Variants in MINK1 observed in about 807,000 individuals in gnomAD.
MINK1 encodes misshapen like kinase 1, also known as misshapen-like kinase 1.
Under a neutral mutation model 178.4 loss-of-function variants are expected in MINK1, and 46 were observed. The ratio of observed to expected loss-of-function variants is 0.26; its 90% CI spans 0.20 to 0.33. The LOEUF (loss-of-function observed/expected upper bound fraction) is 0.33, where lower values mean the gene tolerates loss of function less well. Ranked by LOEUF, MINK1 falls within the 10% of genes least tolerant of loss-of-function variation. MINK1 has a pLI of 1.00. For missense variants in MINK1, 1,366 were observed against 1,814.9 expected (o/e 0.75, Z 4.49); for synonymous variants, 797 against 709.7 (o/e 1.12, Z -1.96).
chr17:4,842,443 CT>C (rs1341341727), intron 1 of MINK1, among the ~76,000 whole-genome samples: 1 of 152,116 alleles, frequency 6.6e-6, no homozygotes, highest in Non-Finnish European at 1.5e-5. Context: ...CCTAAGTCCC[CT>C]GTGTACTTCT....
At position 4,886,501 on chromosome 17, in the gene MINK1, T is replaced by C; in HGVS notation, c.824T>C (p.Leu275Pro). The C allele has an allele frequency of 6.2e-7, 1 of 1,613,386 alleles. No homozygotes were observed. The highest frequency in any genetic ancestry group is 1.3e-5 in the African/African-American group (1 of 75,032). Residue 275 changes from leucine to proline, a missense_variant, in exon 10 of 32, where the codon CTG becomes CCG. Physicochemically the swap from Leu to Pro is moderately conservative, Grantham distance 98. This residue lies in a region of MINK1 where 109 missense variants were observed against 369.4 expected (regional missense o/e 0.30). Transcript: ENST00000355280. The surrounding 1 kb of genome is among the most constrained non-coding windows in gnomAD (Gnocchi z 6.1). ...FIDTCLIKTY[L>P]SRPPTEQLLK... Reference sequence around the variant, plus strand: ...GACACATGTCTCATCAAGACTTACCTGAGCCGCCCACCCACGGAGCAGCTA... The same window carrying C: ...GACACATGTCTCATCAAGACTTACCCGAGCCGCCCACCCACGGAGCAGCTA...
rs1364422181 is a variant in MINK1, at chr17:4,839,302, G to C, written c.57+5662G>C. 2.0e-5 allele frequency among the ~76,000 whole-genome samples: 3 copies of C among 152,198 alleles called. No individual in the cohort carries two copies. In the East Asian group the frequency reaches 5.8e-4, roughly 29 times the overall value. On this transcript the variant is annotated intron_variant, in intron 1 of 31. Coordinates refer to ENST00000355280, the MANE Select transcript of MINK1 (RefSeq NM_153827.5). Reference sequence around the variant, plus strand: ...AATATCCTGCAACCTTCAAGGTTGGGACATTTTTGTTAAACCTGATTTCCA... The same window carrying C: ...AATATCCTGCAACCTTCAAGGTTGGCACATTTTTGTTAAACCTGATTTCCA...
At chr17:4,871,214 TCTCA>T (rs1915824202) in intron 1 of MINK1, 1 of 177,916 alleles carries the variant, frequency 5.6e-6, no homozygotes, top group Non-Finnish European at 1.2e-5. Context: ...AGAGGCAGGG[TCTCA>T]CTCACTCTGT....
intron 1 of MINK1, among the ~76,000 whole-genome samples, chr17:4,841,148 G>C (rs1366340538): frequency 6.6e-6 from 1 of 152,146 alleles, no homozygotes; most frequent in Non-Finnish European, 1.5e-5. Context: ...CCAGCACTTA[G>C]AGCCTGTGAC....
chr17:4,879,214 G>A (rs1334933250), intron 2 of MINK1, among the ~76,000 whole-genome samples: 1 of 151,604 alleles, frequency 6.6e-6, no homozygotes, highest in Non-Finnish European at 1.5e-5. Flanking sequence ...AGCCGCTGCA[G>A]CAGGGAGTGA....
intron 1 of MINK1, chr17:4,854,710 C>T (rs918625112): frequency 4.2e-6 from 2 of 473,518 alleles, no homozygotes; most frequent in African/African-American, 2.0e-5. Flanking sequence ...CTGATTTCCT[C>T]CCCTCCAGTG....
intron 1 of MINK1, among the ~76,000 whole-genome samples, chr17:4,871,716 T>C (rs1211613022): frequency 2.6e-5 from 4 of 152,222 alleles, no homozygotes; most frequent in Admixed American, 2.6e-4. Context: ...AGTGATATGA[T>C]AACTCATTGT....
intron 2 of MINK1, 84 bp downstream of exon 2, chr17:4,878,466 C>A: frequency 7.8e-7 from 1 of 1,283,332 alleles, no homozygotes; most frequent in East Asian, 2.6e-5. Flanking sequence ...TCCTGGTCTG[C>A]AGGTCTGAAG....
At chr17:4,834,283 A>C (rs1009471015) in intron 1 of MINK1, among the ~76,000 whole-genome samples, 1 of 152,110 alleles carries the variant, frequency 6.6e-6, no homozygotes, top group Non-Finnish European at 1.5e-5. Context: ...TGAATATTAC[A>C]TGACCAACTC....
chr17:4,897,088 C>A, intron 31 of MINK1, 116 bp from the exon 32 acceptor site: 1 of 944,334 alleles, frequency 1.1e-6, no homozygotes, highest in Non-Finnish European at 1.6e-6. Context: ...TCTCCTCCTG[C>A]AGTCTCTGTG....
In MINK1 at chr17:4,847,051, G is replaced by A. The variant is rs906088192; in HGVS notation, c.57+13411G>A. On this transcript the variant is annotated intron_variant, in intron 1 of 31. Transcript: ENST00000355280. ...ACAATGAACATACCTGCTACTGCCC[G>A]GATCTCCTGTCCTGGCCTCATAACC... is the stretch of plus-strand genomic sequence containing the variant. 3.2e-5 allele frequency: 13 copies of A among 400,880 alleles called. No homozygotes were observed. The East Asian group carries it at 6.0e-4, about 18-fold the overall frequency. 24.8% of individuals were successfully genotyped at this position (400,880 alleles called of 1,614,324 possible). A position where few individuals can be genotyped will look rare whatever the true frequency, so the allele number is the denominator to read the frequency against.
At position 4,864,715 on chromosome 17, in the gene MINK1, G is replaced by A. The variant is rs960913193; in HGVS notation, c.58-13602G>A. The stretch of plus-strand genomic sequence containing the variant: ...ACTCCAGCCTAGGCGACAAGAGTGA[G>A]ACTCCATCTCAAAAAAAAGAGCTAT... On this transcript the variant is annotated intron_variant, in intron 1 of 31. Coordinates refer to ENST00000355280, the MANE Select transcript of MINK1 (RefSeq NM_153827.5). 3.3e-5 allele frequency among the ~76,000 whole-genome samples: 5 copies of A among 152,210 alleles called. No individual in the cohort carries two copies. The South Asian group carries it at 6.2e-4, about 19-fold the overall frequency.
Position 4,833,717 on chromosome 17 carries a change from C to T in MINK1, c.57+77C>T, listed in dbSNP as rs1202288364. ...GAGGGAGCGGGGTGGCTGCACGCCT[C>T]ACGTGCTCCCGGGCGCCCCCTCCAC... On this transcript the variant is annotated intron_variant, in intron 1 of 31. Coordinates refer to ENST00000355280, the MANE Select transcript of MINK1 (RefSeq NM_153827.5). The surrounding 1 kb of genome is among the most constrained non-coding windows in gnomAD (Gnocchi z 4.8). 2 of 1,241,294 alleles carry T rather than the reference C, an allele frequency of 1.6e-6. No homozygotes were observed. Among genetic ancestry groups the T allele is most frequent in the Non-Finnish European group, 2.1e-6 (2 of 939,198 alleles). The allele number at this position is 1,241,294 out of a possible 1,614,324, so 76.9% of individuals were successfully genotyped here.
intron 1 of MINK1, 63 bp from the exon 2 acceptor site, chr17:4,878,254 C>A (rs968350629): frequency 5.5e-6 from 8 of 1,444,884 alleles, no homozygotes; most frequent in South Asian, 2.4e-5. Context: ...ACTTTACCCC[C>A]CTCTAGCTCT....
At chr17:4,848,719 G>A (rs977430246) in intron 1 of MINK1, among the ~76,000 whole-genome samples, 2 of 150,704 alleles carry the variant, frequency 1.3e-5, no homozygotes, top group Admixed American at 1.3e-4. Context: ...CTTGTCTTGA[G>A]CTCCTGACCT....
At position 4,895,299 on chromosome 17, in the gene MINK1, T is replaced by C; in HGVS notation, c.3086-51T>C. On this transcript the variant is annotated intron_variant, in intron 25 of 31. Transcript: ENST00000355280. This position sits in a 1 kb window ranked among gnomAD's most constrained non-coding sequence, Gnocchi z 4.3. ...CTGGCGTGGCTCTTGTGCTCCTGGT[T>C]AGGTGAGGGCCTGGCTGAGCCTCTG... The C allele has an allele frequency of 6.2e-7, 1 of 1,608,748 alleles. No homozygotes were observed. The highest frequency in any genetic ancestry group is 8.5e-7 in the Non-Finnish European group (1 of 1,176,318).
At chr17:4,861,511 A>AT (rs1914165004) in intron 1 of MINK1, among the ~76,000 whole-genome samples, 1 of 151,826 alleles carries the variant, frequency 6.6e-6, no homozygotes, top group Non-Finnish European at 1.5e-5. Flanking sequence ...TTATTTATTT[A>AT]TTTTTTTGAG....
chr17:4,833,793 G>A lies in MINK1; in HGVS notation c.57+153G>A, dbSNP rs763961324. Among the ~76,000 whole-genome samples the A allele has an allele frequency of 1.3e-5, 2 of 152,154 alleles. No individual in the cohort carries two copies. The highest frequency in any genetic ancestry group is 2.9e-5 in the Non-Finnish European group (2 of 68,034). ...TGCCCCTTTCCCGGACTCCCGCCGCGGCTGGGCCCCCGCCCTCTGCTCCCT... is the reference window on the plus strand; with the variant it reads ...TGCCCCTTTCCCGGACTCCCGCCGCAGCTGGGCCCCCGCCCTCTGCTCCCT... On this transcript the variant is annotated intron_variant, in intron 1 of 31. Coordinates refer to ENST00000355280, the MANE Select transcript of MINK1 (RefSeq NM_153827.5). This position sits in a 1 kb window ranked among gnomAD's most constrained non-coding sequence, Gnocchi z 4.8.
chr17:4,892,914 A>G, intron 19 of MINK1, 65 bp from the exon 20 acceptor site: 1 of 1,450,102 alleles, frequency 6.9e-7, no homozygotes, highest in Non-Finnish European at 9.5e-7. Context: ...TCTGGGGCTC[A>G]GGGTGTGGGC....
Sources: allele counts gnomAD v4.1 joint callset (sites outside exome capture counted in the v4.1 genomes callset), GRCh38; gene constraint gnomAD v4.1.1; regional missense constraint gnomAD v4.1.1; non-coding constraint Gnocchi (gnomAD v3.1); transcripts MANE v1.5; gene names NCBI Gene and HGNC (gene_info 2026-07-23, HGNC 2026-07-21).